Variants in CYRIB observed in about 807,000 individuals in gnomAD.
The protein encoded by CYRIB is CYFIP related Rac1 interactor B.
In CYRIB, 8 loss-of-function variants were observed where a neutral mutation model predicts 44.2. The ratio of observed to expected loss-of-function variants is 0.18; its 90% CI spans 0.11 to 0.33. The LOEUF is 0.33. Ranked by LOEUF, CYRIB falls within the 10% of genes least tolerant of loss-of-function variation. The pLI is 1.00. For missense variants in CYRIB, 185 were observed against 382.8 expected (o/e 0.48, Z 4.31); for synonymous variants, 131 against 127.2 (o/e 1.03, Z -0.20).
chr8:129,841,570 G>A (rs748301581), exon 12 of CYRIB: 5 of 152,502 alleles, frequency 3.3e-5, no homozygotes, highest in Admixed American at 6.5e-5. Flanking sequence ...AGCTTTTAAC[G>A]TTAGTTAATA....
At chr8:129,964,934 G>C (rs921659178) in intron 2 of CYRIB, among the ~76,000 whole-genome samples, 22 of 152,220 alleles carry the variant, frequency 1.4e-4, no homozygotes, top group African/African-American at 5.3e-4. Context: ...GGGCAGCTCT[G>C]TAGTCCAGGT....
chr8:129,935,590 T>C (rs1047316883), intron 1 of CYRIB, among the ~76,000 whole-genome samples: 1 of 152,138 alleles, frequency 6.6e-6, no homozygotes, highest in Non-Finnish European at 1.5e-5. Context: ...GGCCCAGGGG[T>C]TGGGGACCCC....
chr8:129,929,281 AAGAGAGAGAGGG>A, intron 1 of CYRIB, among the ~76,000 whole-genome samples: 1 of 151,700 alleles, frequency 6.6e-6, no homozygotes, highest in South Asian at 2.1e-4. Flanking sequence ...ACACGGGGAG[AAGAGAGAGAGGG>A]AGAGGGAGAG....
rs190471734 is a variant in CYRIB, at chr8:129,925,795, T to C, written c.-50+13813A>G. 4.6e-4 allele frequency among the ~76,000 whole-genome samples: 70 copies of C among 152,296 alleles called. No individual in the cohort carries two copies. In the South Asian group the frequency reaches 0.01, roughly 22 times the overall value. On this transcript the variant is annotated intron_variant, in intron 1 of 11. Transcript: ENST00000519824. ...CAAATTGCAGGAGTTACACATTAAG[T>C]TCCCCAAGTGGTCACTATAAAGCCC...
In CYRIB at chr8:129,852,045, T is replaced by A. The variant is rs374662950; in HGVS notation, c.633+117A>T. ...CAGAAAAAAGTCAGGACTCAACACA[T>A]ACATCTGGGAGTCTGTTGGTTTCAA... On this transcript the variant is annotated intron_variant, in intron 8 of 11. Transcript: ENST00000519824. 1.1e-4 allele frequency: 59 copies of A among 544,938 alleles called. No homozygotes were observed. The South Asian group carries it at 2.2e-3, about 21-fold the overall frequency. 33.8% of individuals were successfully genotyped at this position (544,938 alleles called of 1,614,324 possible).
At chr8:129,958,602 C>G (rs889151912) in intron 2 of CYRIB, among the ~76,000 whole-genome samples, 1 of 152,068 alleles carries the variant, frequency 6.6e-6, no homozygotes, top group Non-Finnish European at 1.5e-5. Flanking sequence ...GCAGAAAAGT[C>G]AAAAGGGGAG....
chr8:129,905,107 T>C (rs767218403), intron 1 of CYRIB, among the ~76,000 whole-genome samples: 6 of 152,196 alleles, frequency 3.9e-5, no homozygotes, highest in Non-Finnish European at 7.3e-5. Context: ...AACCACCAGT[T>C]TGCAACTTCT....
intron 2 of CYRIB, chr8:129,901,637 AG>A (rs1286921523): frequency 6.6e-6 from 1 of 152,240 alleles, no homozygotes; most frequent in East Asian, 1.9e-4. Flanking sequence ...TAGAGAATTC[AG>A]GGATCTGTGA....
chr8:129,853,771 A>C (rs912198155), intron 7 of CYRIB, among the ~76,000 whole-genome samples: 1 of 152,180 alleles, frequency 6.6e-6, no homozygotes, highest in African/African-American at 2.4e-5. Flanking sequence ...CATTTTCTCA[A>C]ACAGCTATAT....
At chr8:129,867,053 C>T (rs2132771673) in intron 4 of CYRIB, among the ~76,000 whole-genome samples, 1 of 152,348 alleles carries the variant, frequency 6.6e-6, no homozygotes, top group South Asian at 2.1e-4. Flanking sequence ...CTTTGGGACG[C>T]TGAGACAGAA....
At chr8:129,941,272 G>GTTTTTTTTT (rs551305807), upstream of CYRIB, among the ~76,000 whole-genome samples, 1 of 124,988 alleles carries the variant, frequency 8.0e-6, no homozygotes. Context: ...AACTGAAGGA[G>GTTTTTTTTT]ATTTTTTTTT....
intron 3 of CYRIB, among the ~76,000 whole-genome samples, chr8:129,873,154 A>G (rs527315122): frequency 6.6e-6 from 1 of 152,022 alleles, no homozygotes; most frequent in Non-Finnish European, 1.5e-5. Context: ...ATGTGTTTAC[A>G]TATCTGTTCC....
At chr8:129,879,743 G>A in intron 2 of CYRIB, 2 of 338,394 alleles carry the variant, frequency 5.9e-6, no homozygotes, top group South Asian at 1.2e-4. Context: ...TTTCATTAAT[G>A]GCCTTATAAT....
At position 129,997,947 on chromosome 8, in the gene CYRIB, C is replaced by A. The variant is rs1235597281; in HGVS notation, c.-296+18423G>T. On this transcript the variant is annotated intron_variant, in intron 1 of 14. Transcript: ENST00000401979. Reference sequence around the variant, plus strand: ...ACCATCCTGGCCAACATGGTGAAACCCTGTTTCTAATAAAAATACAAAAAT... The same window carrying A: ...ACCATCCTGGCCAACATGGTGAAACACTGTTTCTAATAAAAATACAAAAAT... Among the ~76,000 whole-genome samples the A allele has an allele frequency of 2.6e-5, 4 of 151,862 alleles. No individual in the cohort carries two copies. The East Asian group carries it at 5.8e-4, about 22-fold the overall frequency.
At chr8:129,869,893 C>A (rs905128489) in intron 4 of CYRIB, among the ~76,000 whole-genome samples, 5 of 150,588 alleles carry the variant, frequency 3.3e-5, no homozygotes, top group African/African-American at 1.2e-4. Context: ...ACCTCCCCCC[C>A]GCCCAAAAAA....
chr8:129,950,944 C>A (rs2094469851), intron 2 of CYRIB, among the ~76,000 whole-genome samples: 1 of 152,204 alleles, frequency 6.6e-6, no homozygotes, highest in South Asian at 2.1e-4. Context: ...TTCTCTGGAC[C>A]TGTTTCCTCA....
intron 2 of CYRIB, among the ~76,000 whole-genome samples, chr8:129,900,385 G>A (rs1344511175): frequency 6.6e-6 from 1 of 152,128 alleles, no homozygotes; most frequent in Non-Finnish European, 1.5e-5. Context: ...TGTTTTTGCT[G>A]TTAATCAAAC....
chr8:129,937,662 T>C (rs2093048385), intron 1 of CYRIB, among the ~76,000 whole-genome samples: 1 of 152,226 alleles, frequency 6.6e-6, no homozygotes, highest in Non-Finnish European at 1.5e-5. Flanking sequence ...CTGGGGCAGC[T>C]AGAATTAACT....
intron 1 of CYRIB, among the ~76,000 whole-genome samples, chr8:129,929,143 C>T (rs1024134903): frequency 6.6e-6 from 1 of 152,000 alleles, no homozygotes. Context: ...CATGCATGAA[C>T]CACAAATTAA....
Sources: gnomAD v4.1 joint callset for allele counts (sites outside exome capture counted in the v4.1 genomes callset) on GRCh38, gnomAD v4.1.1 for gene constraint, MANE v1.5 for transcripts, NCBI Gene and HGNC (gene_info 2026-07-23, HGNC 2026-07-21) for gene names.